The following CNTLN variants were observed in gnomAD, a reference collection of about 807,000 sequenced individuals.
The protein encoded by CNTLN is centlein, centrosomal protein.
Under a neutral mutation model 180.0 loss-of-function variants are expected in CNTLN, and 212 were observed. The ratio of observed to expected loss-of-function variants is 1.18; its 90% CI spans 1.05 to 1.32. The LOEUF (loss-of-function observed/expected upper bound fraction) is 1.32, where lower values mean the gene tolerates loss of function less well. Ranked by LOEUF, CNTLN falls within the 40% of genes most tolerant of loss-of-function variation. The pLI, the probability that CNTLN is intolerant of heterozygous loss-of-function variation, is 0.00. For synonymous variants in CNTLN, 722 were observed against 563.1 expected (o/e 1.28, Z -3.99); for missense variants, 2,095 against 1,610.9 (o/e 1.30, Z -5.14).
intron 13 of CNTLN, among the ~76,000 whole-genome samples, chr9:17,372,604 G>A (rs1348672553): frequency 1.3e-5 from 2 of 152,038 alleles, no homozygotes; most frequent in South Asian, 4.1e-4. Flanking sequence ...GAAGAGGAGG[G>A]AATACTTTCA....
In CNTLN at chr9:17,261,759, T is replaced by C. The variant is rs187185889; in HGVS notation, c.850-11974T>C. Among the ~76,000 whole-genome samples the C allele has an allele frequency of 2.8e-3, 428 of 151,592 alleles. 14 individuals are homozygous for C. The highest frequency in any genetic ancestry group is 9.7e-3 in the African/African-American group (397 of 40,980). On this transcript the variant is annotated intron_variant, in intron 5 of 25. Coordinates refer to ENST00000380647, the MANE Select transcript of CNTLN (RefSeq NM_017738.4). Reference sequence around the variant, plus strand: ...GCTTCTAATTAAACTAAAGAGGTTCTGCACAGCAGAAGAAACTAGCATCAG... The same window carrying C: ...GCTTCTAATTAAACTAAAGAGGTTCCGCACAGCAGAAGAAACTAGCATCAG...
At chr9:17,309,871 TTAAG>T (rs1433364568) in intron 8 of CNTLN, among the ~76,000 whole-genome samples, 1 of 152,106 alleles carries the variant, frequency 6.6e-6, no homozygotes. Flanking sequence ...GTGAATTTAT[TTAAG>T]TGTTTTTAAG....
At chr9:17,261,051 A>G (rs1826930389) in intron 5 of CNTLN, among the ~76,000 whole-genome samples, 1 of 151,012 alleles carries the variant, frequency 6.6e-6, no homozygotes, top group South Asian at 2.1e-4. Context: ...TTTTGTACCA[A>G]TAGTACCATG....
the CNTLN span, among the ~76,000 whole-genome samples, chr9:17,517,047 C>T: frequency 6.8e-6 from 1 of 147,496 alleles, no homozygotes; most frequent in Non-Finnish European, 1.5e-5. Context: ...GAGTTGAATC[C>T]TGTCCCCCAA....
intron 2 of CNTLN, among the ~76,000 whole-genome samples, chr9:17,159,793 T>C (rs1208079743): frequency 6.6e-6 from 1 of 152,180 alleles, no homozygotes; most frequent in Non-Finnish European, 1.5e-5. Context: ...CCACAAACAT[T>C]GCCTTTCATA....
At chr9:17,212,560 C>G (rs2131977765) in intron 2 of CNTLN, among the ~76,000 whole-genome samples, 1 of 152,266 alleles carries the variant, frequency 6.6e-6, no homozygotes, top group East Asian at 1.9e-4. Context: ...CAGGATGATG[C>G]TGGCCTCATA....
chr9:17,224,135 C>G (rs1824317565), intron 2 of CNTLN, among the ~76,000 whole-genome samples: 1 of 151,990 alleles, frequency 6.6e-6, no homozygotes, highest in Non-Finnish European at 1.5e-5. Flanking sequence ...CTGGGAATTC[C>G]TTTCTTCGTT....
intron 5 of CNTLN, among the ~76,000 whole-genome samples, chr9:17,268,421 C>A (rs10962979): frequency 0.17 from 25,088 of 152,012 alleles, 2,257 homozygotes; most frequent in South Asian, 0.28. Flanking sequence ...GAGTACCTGG[C>A]CATGTGAGGT....
intron 12 of CNTLN, among the ~76,000 whole-genome samples, chr9:17,358,940 G>A (rs1823071457): frequency 2.0e-5 from 3 of 152,126 alleles, no homozygotes. Flanking sequence ...AAGCAGTAAA[G>A]CTTTTAGAGG....
chr9:17,472,082 A>G (rs1031397995), intron 23 of CNTLN, among the ~76,000 whole-genome samples: 39 of 152,150 alleles, frequency 2.6e-4, no homozygotes, highest in African/African-American at 8.2e-4. Flanking sequence ...ACCAAACAAC[A>G]TAGTATTTTC....
At chr9:17,366,317 T>A (rs577751720) in intron 12 of CNTLN, among the ~76,000 whole-genome samples, 8 of 152,136 alleles carry the variant, frequency 5.3e-5, no homozygotes, top group Admixed American at 6.6e-5. Flanking sequence ...GTTATTATTA[T>A]TATTATTGTA....
intron 23 of CNTLN, among the ~76,000 whole-genome samples, chr9:17,468,222 G>C: frequency 6.6e-6 from 1 of 151,662 alleles, no homozygotes; most frequent in East Asian, 1.9e-4. Flanking sequence ...GGCAACAATA[G>C]ACATCGGGGC....
intron 6 of CNTLN, among the ~76,000 whole-genome samples, chr9:17,292,184 G>A (rs571036160): frequency 1.3e-5 from 2 of 152,184 alleles, no homozygotes; most frequent in African/African-American, 4.8e-5. Context: ...AGTCTAATGG[G>A]TTTCCCTTTG....
At chr9:17,289,666 C>G (rs1211006686) in intron 6 of CNTLN, among the ~76,000 whole-genome samples, 3 of 130,834 alleles carry the variant, frequency 2.3e-5, no homozygotes, top group Non-Finnish European at 4.7e-5. Flanking sequence ...TAGATTTGGT[C>G]TTTTCACATA....
At position 17,261,668 on chromosome 9, in the gene CNTLN, C is replaced by T. The variant is rs370377192; in HGVS notation, c.850-12065C>T. Among the ~76,000 whole-genome samples the T allele has an allele frequency of 2.1e-3, 322 of 151,258 alleles. 12 individuals are homozygous for T. Among genetic ancestry groups the T allele is most frequent in the African/African-American group, 7.5e-3 (306 of 40,826 alleles). ...ATTTGTATGTCATTTATTTTTTTCT[C>T]TTGACTGATTGCTCTGGCTAGGACT... On this transcript the variant is annotated intron_variant, in intron 5 of 25. Coordinates refer to ENST00000380647, the MANE Select transcript of CNTLN (RefSeq NM_017738.4).
chr9:17,273,718 G>T lies in CNTLN; in HGVS notation c.850-15G>T. The T allele has an allele frequency of 7.2e-7, 1 of 1,397,540 alleles. No individual in the cohort carries two copies. The highest frequency in any genetic ancestry group is 9.7e-7 in the Non-Finnish European group (1 of 1,034,692). The allele number at this position is 1,397,540 out of a possible 1,614,324, so 86.6% of individuals were successfully genotyped here. A position where few individuals can be genotyped will look rare whatever the true frequency, so the allele number is the denominator to read the frequency against. On this transcript the variant is annotated splice_polypyrimidine_tract_variant and intron_variant, in intron 5 of 25. Transcript: ENST00000380647. ...TTATTATGTTTGATTATTGATATAA[G>T]CACTCTAATTTTAGACCTTTGAAGA... is the stretch of plus-strand genomic sequence containing the variant.
chr9:17,309,738 A>T (rs1030640948), intron 8 of CNTLN, among the ~76,000 whole-genome samples: 2 of 152,072 alleles, frequency 1.3e-5, no homozygotes, highest in African/African-American at 4.8e-5. Flanking sequence ...AAGGTAGTAT[A>T]AATGTATAGA....
intron 18 of CNTLN, among the ~76,000 whole-genome samples, chr9:17,456,375 T>G (rs1362130444): frequency 3.9e-5 from 6 of 152,162 alleles, no homozygotes; most frequent in Non-Finnish European, 1.5e-5. Context: ...GCCAAATAGT[T>G]TTTTTCACCA....
chr9:17,237,449 G>A (rs776337315), intron 5 of CNTLN, among the ~76,000 whole-genome samples: 1 of 147,020 alleles, frequency 6.8e-6, no homozygotes, highest in African/African-American at 2.5e-5. Context: ...TGTATCTGCA[G>A]GTTCTGTATC....
Sources: allele counts gnomAD v4.1 joint callset (sites outside exome capture counted in the v4.1 genomes callset), GRCh38; gene constraint gnomAD v4.1.1; transcripts MANE v1.5; gene names NCBI Gene and HGNC (gene_info 2026-07-23, HGNC 2026-07-21).